Variants in GHR observed in about 807,000 individuals in gnomAD.
GHR encodes the protein growth hormone receptor.
In GHR, 35 loss-of-function variants were observed where a neutral mutation model predicts 67.1. The observed-to-expected ratio is 0.52, with a 90% CI of 0.40 to 0.69. The LOEUF is 0.69. GHR is among the 30% of genes least tolerant of loss of function. GHR has a pLI of 0.00. For missense variants in GHR, 792 were observed against 764.6 expected (o/e 1.04, Z -0.42); for synonymous variants, 272 against 269.1 (o/e 1.01, Z -0.10).
intron 3 of GHR, among the ~76,000 whole-genome samples, chr5:42,658,516 T>C (rs556405899): frequency 6.6e-6 from 1 of 152,332 alleles, no homozygotes; most frequent in Admixed American, 6.5e-5. Flanking sequence ...AAAAGAACTT[T>C]TATCCATTGT....
chr5:42,692,282 T>C (rs1295949953), intron 4 of GHR, among the ~76,000 whole-genome samples: 4 of 152,108 alleles, frequency 2.6e-5, no homozygotes, highest in Non-Finnish European at 5.9e-5. Flanking sequence ...AAAACATTTC[T>C]TCTGCTCTTT....
rs1292618506 is a variant in GHR at position 42,593,520 on chromosome 5, C to T, written c.70+27576C>T. On this transcript the variant is annotated intron_variant, in intron 2 of 9. Coordinates refer to ENST00000230882, the MANE Select transcript of GHR (RefSeq NM_000163.5). ...AGTGGGCAACTGAAGAAGTATGAGG[C>T]ACTGTTACTGCTGTCTTCCTTCCCT... Among the ~76,000 whole-genome samples the T allele has an allele frequency of 2.0e-5, 3 of 152,176 alleles. No individual in the cohort carries two copies. In the East Asian group the frequency reaches 5.8e-4, roughly 29 times the overall value.
intron 3 of GHR, among the ~76,000 whole-genome samples, chr5:42,663,715 A>G (rs1236749934): frequency 2.0e-5 from 3 of 152,208 alleles, no homozygotes; most frequent in Non-Finnish European, 4.4e-5. Context: ...CACCACTCCT[A>G]TTCAACATAG....
chr5:42,710,043 CT>C (rs771566254), intron 6 of GHR, among the ~76,000 whole-genome samples: 2 of 149,374 alleles, frequency 1.3e-5, no homozygotes, highest in African/African-American at 2.5e-5. Context: ...AAAACATAGG[CT>C]TTAAAAAAAA....
At chr5:42,692,872 T>G (rs1007884989) in intron 4 of GHR, among the ~76,000 whole-genome samples, 2 of 152,206 alleles carry the variant, frequency 1.3e-5, no homozygotes, top group Non-Finnish European at 2.9e-5. Flanking sequence ...TGATATCCCT[T>G]CTATTATGTG....
intron 1 of GHR, among the ~76,000 whole-genome samples, chr5:42,495,259 G>T (rs1281166850): frequency 6.6e-6 from 1 of 151,924 alleles, no homozygotes; most frequent in Non-Finnish European, 1.5e-5. Flanking sequence ...AGTGTTTCAG[G>T]CATCAAGCAT....
In GHR at chr5:42,423,472, C is replaced by T. The variant is rs1742700763; in HGVS notation, c.-495C>T. Among the ~76,000 whole-genome samples, 1 of 152,226 alleles carries T rather than the reference C, an allele frequency of 6.6e-6. No homozygotes were observed. Among genetic ancestry groups the T allele is most frequent in the African/African-American group, 2.4e-5 (1 of 41,468 alleles). On this transcript the variant is annotated 5_prime_UTR_variant, in exon 1 of 10. Coordinates refer to ENST00000230882, the MANE Select transcript of GHR (RefSeq NM_000163.5). ...GTGACACGCACCAACTCCAGCTCCT[C>T]GCCGGGAAGACTTCATCCCAGCAAC...
chr5:42,548,885 T>A (rs1179811805), intron 1 of GHR, among the ~76,000 whole-genome samples: 1 of 152,250 alleles, frequency 6.6e-6, no homozygotes, highest in Non-Finnish European at 1.5e-5. Context: ...AAGGAAGGAC[T>A]AGTTTTCTGA....
At chr5:42,581,720 G>T (rs1009858321) in intron 2 of GHR, among the ~76,000 whole-genome samples, 4 of 152,166 alleles carry the variant, frequency 2.6e-5, no homozygotes, top group Non-Finnish European at 4.4e-5. Context: ...TAGTGGGGGA[G>T]GTGCGGCTGT....
intron 1 of GHR, among the ~76,000 whole-genome samples, chr5:42,492,715 A>G (rs1746166362): frequency 6.6e-6 from 1 of 152,204 alleles, no homozygotes; most frequent in South Asian, 2.1e-4. Context: ...TAGATTTGGA[A>G]TGGTTAAATA....
chr5:42,456,355 G>C (rs1382384019), intron 1 of GHR, among the ~76,000 whole-genome samples: 2 of 152,070 alleles, frequency 1.3e-5, no homozygotes. Flanking sequence ...TTTCCTGGTG[G>C]AGAGGAAAGC....
chr5:42,429,941 A>G (rs573550433), intron 1 of GHR, among the ~76,000 whole-genome samples: 2 of 152,228 alleles, frequency 1.3e-5, no homozygotes, highest in South Asian at 4.1e-4. Context: ...TCTGGCCTTA[A>G]ATGAAGTGAA....
intron 1 of GHR, among the ~76,000 whole-genome samples, chr5:42,488,061 TG>T (rs1745955638): frequency 6.6e-6 from 1 of 152,234 alleles, no homozygotes; most frequent in Non-Finnish European, 1.5e-5. Context: ...ACAGTCTACT[TG>T]CTGTGTGCAT....
In GHR at chr5:42,719,907, A is replaced by G; in HGVS notation, c.*483A>G. The G allele has an allele frequency of 5.3e-6, 1 of 187,072 alleles. No individual in the cohort carries two copies. Among genetic ancestry groups the G allele is most frequent in the Non-Finnish European group, 1.1e-5 (1 of 89,998 alleles). 11.6% of individuals were successfully genotyped at this position (187,072 alleles called of 1,614,324 possible). A position where few individuals can be genotyped will look rare whatever the true frequency, so the allele number is the denominator to read the frequency against. ...AGGTGAGAAATTTAAACTATAAGCA[A>G]GAAGGCAAAAATAGTTTGGATATGT... On this transcript the variant is annotated 3_prime_UTR_variant, in exon 10 of 10. Transcript: ENST00000230882.
chr5:42,674,131 T>C (rs1196456673), intron 3 of GHR, among the ~76,000 whole-genome samples: 1 of 152,166 alleles, frequency 6.6e-6, no homozygotes, highest in Non-Finnish European at 1.5e-5. Context: ...AAGTTTCATT[T>C]ATAATATTTT....
intron 2 of GHR, among the ~76,000 whole-genome samples, chr5:42,623,520 G>A (rs1318985860): frequency 6.6e-6 from 1 of 152,020 alleles, no homozygotes; most frequent in Non-Finnish European, 1.5e-5. Flanking sequence ...CTGCACCTTT[G>A]TACCTTCTGC....
At chr5:42,457,217 T>G (rs1004554734) in intron 1 of GHR, among the ~76,000 whole-genome samples, 3 of 152,212 alleles carry the variant, frequency 2.0e-5, no homozygotes, top group African/African-American at 7.2e-5. Flanking sequence ...TTTTGGCAAC[T>G]GCCTGGCATT....
At chr5:42,466,250 C>A (rs1053354570) in intron 1 of GHR, among the ~76,000 whole-genome samples, 8 of 151,610 alleles carry the variant, frequency 5.3e-5, no homozygotes, top group African/African-American at 1.9e-4. Flanking sequence ...CAGAGGTCTC[C>A]AGAGCTTTAC....
At chr5:42,711,927 G>T (rs1420787420) in intron 7 of GHR, among the ~76,000 whole-genome samples, 2 of 152,040 alleles carry the variant, frequency 1.3e-5, no homozygotes, top group East Asian at 3.9e-4. Flanking sequence ...AGGAGACGTG[G>T]AACATTTGAA....
Sources: allele counts gnomAD v4.1 joint callset (sites outside exome capture counted in the v4.1 genomes callset), GRCh38; gene constraint gnomAD v4.1.1; transcripts MANE v1.5; gene names NCBI Gene and HGNC (gene_info 2026-07-23, HGNC 2026-07-21).